Variants in SEMA5A observed in about 807,000 individuals in gnomAD.
SEMA5A encodes the protein semaphorin-5A.
In SEMA5A, 55 loss-of-function variants were observed where a neutral mutation model predicts 135.5. The ratio of observed to expected loss-of-function variants is 0.41; its 90% CI spans 0.33 to 0.51. The LOEUF (loss-of-function observed/expected upper bound fraction) is 0.51. Ranked by LOEUF, SEMA5A falls within the 20% of genes least tolerant of loss-of-function variation. The pLI is 0.37. For synonymous variants in SEMA5A, 580 were observed against 546.5 expected (o/e 1.06, Z -0.85); for missense variants, 1,290 against 1,419.9 (o/e 0.91, Z 1.47).
intron 1 of SEMA5A, among the ~76,000 whole-genome samples, chr5:9,516,143 C>T (rs1301142583): frequency 6.6e-6 from 1 of 152,162 alleles, no homozygotes; most frequent in Non-Finnish European, 1.5e-5. Context: ...CAATGTGAAC[C>T]CTGCCTTTAC....
intron 1 of SEMA5A, among the ~76,000 whole-genome samples, chr5:9,464,957 G>A (rs928869555): frequency 1.3e-5 from 2 of 152,212 alleles, no homozygotes; most frequent in East Asian, 1.9e-4. Context: ...CCTGTGGCTC[G>A]TGTTTCCTAG....
intron 8 of SEMA5A, among the ~76,000 whole-genome samples, chr5:9,222,224 G>C (rs918326840): frequency 3.9e-5 from 6 of 152,186 alleles, no homozygotes; most frequent in South Asian, 2.1e-4. Flanking sequence ...GGCTCAGCAG[G>C]GGGTGGAAGC....
chr5:9,486,575 G>A (rs1054471928), intron 1 of SEMA5A, among the ~76,000 whole-genome samples: 1 of 152,194 alleles, frequency 6.6e-6, no homozygotes, highest in African/African-American at 2.4e-5. Flanking sequence ...AGATGTGTAA[G>A]CTCCAGAACC....
At chr5:9,146,251 T>C (rs976942844) in intron 12 of SEMA5A, among the ~76,000 whole-genome samples, 6 of 152,158 alleles carry the variant, frequency 3.9e-5, no homozygotes, top group Admixed American at 2.0e-4. Context: ...TTACCACTTT[T>C]GTTAGTGCCA....
In SEMA5A at chr5:9,221,389, G is replaced by A. The variant is rs375035672; in HGVS notation, c.646+3285C>T. On this transcript the variant is annotated intron_variant, in intron 8 of 22. Transcript: ENST00000382496. ...GCGATCTCGGCTTACTGCAAGCTCCGCCTCCCGGGTTCACACCATTCTCCT... is the reference window on the plus strand; with the variant it reads ...GCGATCTCGGCTTACTGCAAGCTCCACCTCCCGGGTTCACACCATTCTCCT... Among the ~76,000 whole-genome samples, 87 of 140,006 alleles carry A rather than the reference G, an allele frequency of 6.2e-4. 1 individual carries two copies. The highest frequency in any genetic ancestry group is 1.1e-3 in the African/African-American group (43 of 37,748). 91.8% of individuals were successfully genotyped at this position (140,006 alleles called of 152,430 possible).
chr5:9,294,701 A>C (rs536422685), intron 5 of SEMA5A, among the ~76,000 whole-genome samples: 1 of 152,324 alleles, frequency 6.6e-6, no homozygotes, highest in African/African-American at 2.4e-5. Context: ...TGGAGAAGAT[A>C]ATCCACTCTT....
At chr5:9,160,954 A>G (rs948916454) in intron 11 of SEMA5A, among the ~76,000 whole-genome samples, 3 of 152,208 alleles carry the variant, frequency 2.0e-5, no homozygotes, top group Admixed American at 1.3e-4. Flanking sequence ...CTTGAAAAGG[A>G]CAAAAAGAAA....
intron 17 of SEMA5A, among the ~76,000 whole-genome samples, chr5:9,065,500 A>T (rs1201857719): frequency 6.6e-6 from 1 of 152,236 alleles, no homozygotes; most frequent in African/African-American, 2.4e-5. Context: ...TTCTCTGTAA[A>T]TGGTGGCTGT....
At chr5:9,195,298 TA>T (rs1367821801) in intron 10 of SEMA5A, among the ~76,000 whole-genome samples, 1 of 152,140 alleles carries the variant, frequency 6.6e-6, no homozygotes, top group Non-Finnish European at 1.5e-5. Context: ...CCCAAATAGC[TA>T]GGACTATAGA....
At chr5:9,068,631 GA>G (rs1251475697) in intron 16 of SEMA5A, among the ~76,000 whole-genome samples, 2 of 152,180 alleles carry the variant, frequency 1.3e-5, no homozygotes, top group Non-Finnish European at 2.9e-5. Flanking sequence ...GGTGGAGTGG[GA>G]GAGAGGTATG....
intron 21 of SEMA5A, among the ~76,000 whole-genome samples, chr5:9,045,422 C>CACAT (rs1212237021): frequency 6.6e-6 from 1 of 152,202 alleles, no homozygotes; most frequent in African/African-American, 2.4e-5. Flanking sequence ...TTCACATAAA[C>CACAT]ACATACACTT....
chr5:9,079,187 A>G (rs1203162829), intron 16 of SEMA5A, among the ~76,000 whole-genome samples: 1 of 152,168 alleles, frequency 6.6e-6, no homozygotes, highest in Admixed American at 6.6e-5. Flanking sequence ...CAAATGCAAA[A>G]GAACGGAAAT....
At chr5:9,109,220 T>C (rs555936423) in intron 15 of SEMA5A, among the ~76,000 whole-genome samples, 1 of 151,496 alleles carries the variant, frequency 6.6e-6, no homozygotes, top group East Asian at 2.0e-4. Flanking sequence ...TTTTGTATTT[T>C]TAGTAGAGAC....
chr5:9,108,873 G>A (rs946819754), intron 15 of SEMA5A, among the ~76,000 whole-genome samples: 1 of 149,488 alleles, frequency 6.7e-6, no homozygotes. Flanking sequence ...AAGACCACTC[G>A]TTATTCAAAA....
intron 11 of SEMA5A, among the ~76,000 whole-genome samples, chr5:9,168,955 G>A (rs1020545437): frequency 3.9e-5 from 6 of 152,078 alleles, no homozygotes; most frequent in Non-Finnish European, 5.9e-5. Flanking sequence ...ACACATTTGA[G>A]TCATTCCTTA....
At chr5:9,406,119 G>A (rs1034576316) in intron 2 of SEMA5A, among the ~76,000 whole-genome samples, 2 of 152,214 alleles carry the variant, frequency 1.3e-5, no homozygotes, top group Admixed American at 6.5e-5. Context: ...AGCGAACATG[G>A]TTAAAATGAC....
intron 4 of SEMA5A, among the ~76,000 whole-genome samples, chr5:9,323,873 G>T (rs2150683008): frequency 6.6e-6 from 1 of 151,512 alleles, no homozygotes; most frequent in East Asian, 1.9e-4. Flanking sequence ...TGTTAGCCAG[G>T]CTGGTCTTGA....
At chr5:9,339,267 C>T (rs1219333111) in intron 3 of SEMA5A, among the ~76,000 whole-genome samples, 1 of 152,050 alleles carries the variant, frequency 6.6e-6, no homozygotes, top group Non-Finnish European at 1.5e-5. Flanking sequence ...AGGAATTATT[C>T]TTATATGAAA....
At chr5:9,107,991 G>T in intron 16 of SEMA5A, 149 bp downstream of exon 16, 1 of 944,034 alleles carries the variant, frequency 1.1e-6, no homozygotes, top group Admixed American at 2.7e-5. Flanking sequence ...TTTAGTGTTT[G>T]CAGTGTACCA....
Sources: allele counts gnomAD v4.1 joint callset (sites outside exome capture counted in the v4.1 genomes callset), GRCh38; gene constraint gnomAD v4.1.1; transcripts MANE v1.5; gene names NCBI Gene and HGNC (gene_info 2026-07-23, HGNC 2026-07-21).